The following ELMOD3 variants were observed in gnomAD, a reference collection of about 807,000 sequenced individuals.
The protein encoded by ELMOD3 is ELMO domain containing 3, also known as ELMO domain-containing protein 3.
ELMOD3 carries 36 observed loss-of-function variants against 47.4 expected under a neutral mutation model. That is an observed-to-expected ratio of 0.76 (90% CI 0.58 to 1.00). The LOEUF is 1.00. Among genes scored for constraint, ELMOD3 ranks in the 50% least tolerant of loss-of-function variants. ELMOD3 has a pLI of 0.00. For synonymous variants in ELMOD3, 149 were observed against 183.5 expected, an observed-to-expected ratio of 0.81 and a Z score of 1.52; for missense variants, 404 against 463.8, an observed-to-expected ratio of 0.87 and a Z score of 1.18.
intron 11 of ELMOD3, among the ~76,000 whole-genome samples, chr2:85,385,734 C>A (rs998358805): frequency 6.6e-6 from 1 of 151,478 alleles, no homozygotes; most frequent in Non-Finnish European, 1.5e-5. Context: ...AATGAGGAGG[C>A]ACTGCAGGGC....
intron 4 of ELMOD3, among the ~76,000 whole-genome samples, chr2:85,357,914 T>G (rs1371850011): frequency 2.0e-5 from 3 of 152,158 alleles, no homozygotes; most frequent in Non-Finnish European, 2.9e-5. Flanking sequence ...ATTTTAGAGA[T>G]AAAATTTCAA....
intron 4 of ELMOD3, among the ~76,000 whole-genome samples, chr2:85,359,253 A>G (rs903870656): frequency 2.6e-5 from 4 of 152,234 alleles, no homozygotes; most frequent in Non-Finnish European, 5.9e-5. Flanking sequence ...CCGCATGTAC[A>G]AAACATGTAT....
Position 85,371,457 on chromosome 2 carries a change from G to A in ELMOD3, c.502G>A (p.Asp168Asn). Residue 168 changes from aspartate (D) to asparagine (N), a missense_variant, in exon 10 of 14, where the codon GAC becomes AAC. Coordinates refer to ENST00000409013, the MANE Select transcript of ELMOD3 (RefSeq NM_001135022.2). ...TIAQCGLDSQDPVHGRVLQTI... is the reference protein window; with the variant it reads ...TIAQCGLDSQNPVHGRVLQTI... ...TGGGGCAGGTGGCCTGGATAGCCAA[G>A]ACCCAGTGCATGGCCGAGTCCTCCA... is the stretch of plus-strand genomic sequence containing the variant. 6.2e-7 allele frequency: 1 copy of A among 1,614,206 alleles called. No individual in the cohort carries two copies. The highest frequency in any genetic ancestry group is 8.5e-7 in the Non-Finnish European group (1 of 1,180,024).
At chr2:85,368,784 T>C in intron 7 of ELMOD3, 30 bp downstream of exon 7, 2 of 1,612,792 alleles carry the variant, frequency 1.2e-6, no homozygotes, top group South Asian at 2.2e-5. Context: ...TGTCTCCCCA[T>C]AGCCCCTCTG....
intron 11 of ELMOD3, among the ~76,000 whole-genome samples, chr2:85,384,303 A>C (rs1450077433): frequency 6.6e-6 from 1 of 152,248 alleles, no homozygotes. Context: ...TGGGAAAATT[A>C]GAGACAATGT....
chr2:85,374,036 T>A (rs779819803), intron 10 of ELMOD3, among the ~76,000 whole-genome samples: 2 of 151,680 alleles, frequency 1.3e-5, no homozygotes, highest in African/African-American at 2.4e-5. Context: ...CAATTTCCCC[T>A]TCACTTCTGA....
rs910924797 is a variant in ELMOD3, at chr2:85,376,526, G to T, written c.608-818G>T. ...TTCCACATTGCAGAGGAGGCAAGGG[G>T]GCTCCTTACCACTGGGAAAGATAAA... On this transcript the variant is annotated intron_variant, in intron 10 of 13. Transcript: ENST00000409013. The surrounding 1 kb of genome is among the most constrained non-coding windows in gnomAD (Gnocchi z 4.2). 2.0e-5 allele frequency among the ~76,000 whole-genome samples: 3 copies of T among 152,152 alleles called. 1 individual carries two copies. The South Asian group carries it at 6.2e-4, about 32-fold the overall frequency.
rs1684118302 is a variant in ELMOD3, at chr2:85,363,295, T to G, written c.199+129T>G. On this transcript the variant is annotated intron_variant, in intron 6 of 13. Coordinates refer to ENST00000409013, the MANE Select transcript of ELMOD3 (RefSeq NM_001135022.2). Reference sequence around the variant, plus strand: ...AGAATTTTGTAGATGTATCAGTCCTTGGGGAAAAATAGAATCAACACTGAA... The same window carrying G: ...AGAATTTTGTAGATGTATCAGTCCTGGGGGAAAAATAGAATCAACACTGAA... 8.0e-6 allele frequency: 5 copies of G among 626,282 alleles called. No individual in the cohort carries two copies. In the Admixed American group the frequency reaches 1.4e-4, roughly 18 times the overall value. 38.8% of individuals were successfully genotyped at this position (626,282 alleles called of 1,614,324 possible). A position where few individuals can be genotyped will look rare whatever the true frequency, so the allele number is the denominator to read the frequency against.
intron 10 of ELMOD3, among the ~76,000 whole-genome samples, chr2:85,375,760 A>G (rs543382799): frequency 6.6e-6 from 1 of 152,348 alleles, no homozygotes; most frequent in East Asian, 1.9e-4. Context: ...CTTACTGAGA[A>G]CCTGTGGTCA....
intron 4 of ELMOD3, among the ~76,000 whole-genome samples, chr2:85,358,034 C>T (rs1417944295): frequency 6.6e-6 from 1 of 152,124 alleles, no homozygotes; most frequent in African/African-American, 2.4e-5. Flanking sequence ...AATCCCAACA[C>T]TTTGGGAGGC....
At chr2:85,382,254 G>A (rs952196165) in intron 11 of ELMOD3, among the ~76,000 whole-genome samples, 7 of 149,070 alleles carry the variant, frequency 4.7e-5, no homozygotes, top group Non-Finnish European at 7.4e-5. Context: ...CCTGCCTAAC[G>A]TGGTGAAACC....
Position 85,389,706 on chromosome 2 carries a change from A to G in ELMOD3, c.739-45A>G, listed in dbSNP as rs777454393. The G allele has an allele frequency of 1.9e-6, 3 of 1,558,538 alleles. No individual in the cohort carries two copies. The South Asian group carries it at 3.3e-5, about 17-fold the overall frequency. The stretch of plus-strand genomic sequence containing the variant: ...CCAGGCTGCAGATGACAGGAAACAC[A>G]GTGAGAGCTGGAGTTGCTGCTGACT... On this transcript the variant is annotated intron_variant, in intron 11 of 13. Coordinates refer to ENST00000409013, the MANE Select transcript of ELMOD3 (RefSeq NM_001135022.2).
At position 85,390,942 on chromosome 2, in the gene ELMOD3, G is replaced by A. The variant is rs564403550; in HGVS notation, c.1126G>A (p.Glu376Lys). Reference sequence around the variant, plus strand: ...GAGTGACCTGCAGTCTCACTCATCCGAAGGCGTATGGCTGATCTGACCTCC... The same window carrying A: ...GAGTGACCTGCAGTCTCACTCATCCAAAGGCGTATGGCTGATCTGACCTCC... The part of the protein sequence containing the change: ...GESDLQSHSS[E>K]GVWLI Residue 376 changes from glutamate (E) to lysine (K), a missense_variant, in exon 14 of 14, where the codon GAA (glutamate) becomes AAA (lysine). By Grantham distance (56) the Glu-to-Lys change is moderately conservative. Coordinates refer to ENST00000409013, the MANE Select transcript of ELMOD3 (RefSeq NM_001135022.2). 9.3e-5 allele frequency: 144 copies of A among 1,551,650 alleles called. No homozygotes were observed. Among genetic ancestry groups the A allele is most frequent in the Admixed American group, 8.6e-4 (44 of 51,004 alleles).
intron 6 of ELMOD3, among the ~76,000 whole-genome samples, chr2:85,364,752 C>A (rs1684231506): frequency 7.1e-6 from 1 of 139,990 alleles, no homozygotes; most frequent in South Asian, 2.2e-4. Context: ...GGAATTTTAT[C>A]TTTATGGTGA....
chr2:85,383,408 G>A (rs1362106881), intron 11 of ELMOD3, among the ~76,000 whole-genome samples: 1 of 151,814 alleles, frequency 6.6e-6, no homozygotes, highest in African/African-American at 2.4e-5. Flanking sequence ...TGGGTGACAG[G>A]GCGAGACTCT....
intron 11 of ELMOD3, among the ~76,000 whole-genome samples, chr2:85,386,576 C>T (rs999216491): frequency 1.3e-5 from 2 of 151,906 alleles, no homozygotes; most frequent in Non-Finnish European, 2.9e-5. Flanking sequence ...GGAGAGACAG[C>T]GTTTCACCAT....
intron 10 of ELMOD3, among the ~76,000 whole-genome samples, chr2:85,375,768 T>C (rs1172465159): frequency 6.6e-6 from 1 of 152,228 alleles, no homozygotes; most frequent in African/African-American, 2.4e-5. Context: ...GAACCTGTGG[T>C]CAAGATCAAG....
chr2:85,382,762 CGCCTTG>C, intron 11 of ELMOD3, among the ~76,000 whole-genome samples: 1 of 152,216 alleles, frequency 6.6e-6, no homozygotes, highest in East Asian at 1.9e-4. Flanking sequence ...GTGATCCACA[CGCCTTG>C]GCCTCCCAAA....
chr2:85,373,840 G>GAAA (rs34188613), intron 10 of ELMOD3, among the ~76,000 whole-genome samples: 1 of 115,682 alleles, frequency 8.6e-6, no homozygotes, highest in East Asian at 2.3e-4. Flanking sequence ...CTTCGTCTCA[G>GAAA]AAAAAAAAAA....
Sources: gnomAD v4.1 joint callset for allele counts (sites outside exome capture counted in the v4.1 genomes callset) on GRCh38, gnomAD v4.1.1 for gene constraint, Gnocchi (gnomAD v3.1) non-coding constraint, MANE v1.5 for transcripts, NCBI Gene and HGNC (gene_info 2026-07-23, HGNC 2026-07-21) for gene names.